Variants in TGFBR1 observed in about 807,000 individuals in gnomAD.
The protein encoded by TGFBR1 is transforming growth factor beta receptor 1.
TGFBR1 carries 20 observed loss-of-function variants against 55.1 expected under a neutral mutation model. The observed-to-expected ratio is 0.36, with a 90% CI of 0.26 to 0.53. TGFBR1 has a LOEUF of 0.53. Among genes scored for constraint, TGFBR1 ranks in the 20% least tolerant of loss-of-function variants. The probability of loss-of-function intolerance (pLI) is 0.91; values close to 1 mark genes in which losing one functional copy is unlikely to be tolerated. For missense variants in TGFBR1, 385 were observed against 617.6 expected (o/e 0.62, Z 3.99); for synonymous variants, 220 against 214.8 (o/e 1.02, Z -0.21).
intron 1 of TGFBR1, among the ~76,000 whole-genome samples, chr9:99,116,916 T>C (rs577258987): frequency 6.6e-6 from 1 of 152,166 alleles, no homozygotes; most frequent in African/African-American, 2.4e-5. Context: ...TCCAAGGGAG[T>C]CCAAAATTTA....
intron 3 of TGFBR1, among the ~76,000 whole-genome samples, chr9:99,133,245 T>A (rs1827303722): frequency 6.6e-6 from 1 of 152,216 alleles, no homozygotes; most frequent in Admixed American, 6.5e-5. Context: ...CCTGGTTTTT[T>A]AAAATTAAAC....
rs1324625673 is a variant in TGFBR1 at position 99,152,800 on chromosome 9, T to C, written c.*3495T>C. On this transcript the variant is annotated 3_prime_UTR_variant, in exon 9 of 9. Coordinates refer to ENST00000374994, the MANE Select transcript of TGFBR1 (RefSeq NM_004612.4). ...TATTTTGAGATACTAAGGATTATCT[T>C]TGGACATGTACTGCAGCTTCTTGTC... is the stretch of plus-strand genomic sequence containing the variant. 4.3e-6 allele frequency: 1 copy of C among 231,044 alleles called. No homozygotes were observed. Among genetic ancestry groups the C allele is most frequent in the African/African-American group, 2.2e-5 (1 of 45,228 alleles). 14.3% of individuals were successfully genotyped at this position (231,044 alleles called of 1,614,324 possible).
Position 99,111,295 on chromosome 9 carries a change from C to CTTTTTTTTT in TGFBR1, c.97+6015_97+6023dup, listed in dbSNP as rs3034196. On this transcript the variant is annotated intron_variant, in intron 1 of 8. Coordinates refer to ENST00000374994, the MANE Select transcript of TGFBR1 (RefSeq NM_004612.4). ...ACATTTGGCATATCCTGCACCCATG[C>CTTTTTTTTT]TTTTTTTTTTTTTTTTTTTTTTTTT... Among the ~76,000 whole-genome samples, 18 of 55,152 alleles carry CTTTTTTTTT rather than the reference C, an allele frequency of 3.3e-4. 3 individuals carry two copies. The highest frequency in any genetic ancestry group is 1.2e-3 in the African/African-American group (15 of 13,042). The allele number at this position is 55,152 out of a possible 152,430, so 36.2% of individuals were successfully genotyped here. A position where few individuals can be genotyped will look rare whatever the true frequency, so the allele number is the denominator to read the frequency against.
chr9:99,120,277 C>T (rs1407756438), intron 1 of TGFBR1, among the ~76,000 whole-genome samples: 1 of 152,064 alleles, frequency 6.6e-6, no homozygotes, highest in Non-Finnish European at 1.5e-5. Flanking sequence ...TAATACCTAC[C>T]CACTAGTCAA....
intron 6 of TGFBR1, among the ~76,000 whole-genome samples, chr9:99,146,246 T>G (rs1021475809): frequency 3.3e-5 from 5 of 152,194 alleles, no homozygotes; most frequent in African/African-American, 1.2e-4. Flanking sequence ...TGTCTTTCAT[T>G]GGAAACCAAG....
chr9:99,124,190 C>T (rs892599913), intron 1 of TGFBR1, among the ~76,000 whole-genome samples: 1 of 152,066 alleles, frequency 6.6e-6, no homozygotes, highest in African/African-American at 2.4e-5. Flanking sequence ...TCTCTTCTAC[C>T]GCAGCAGAGT....
At chr9:99,144,665 A>C in intron 5 of TGFBR1, 67 bp from the exon 6 acceptor site, 1 of 1,595,376 alleles carries the variant, frequency 6.3e-7, no homozygotes, top group Non-Finnish European at 8.6e-7. Flanking sequence ...AGACTTTTGA[A>C]CCTAAAGATG....
chr9:99,106,732 A>C (rs917456932), intron 1 of TGFBR1, among the ~76,000 whole-genome samples: 29 of 152,174 alleles, frequency 1.9e-4, no homozygotes, highest in African/African-American at 6.8e-4. Context: ...ACATCATACT[A>C]TCTGGCGTAG....
intron 1 of TGFBR1, among the ~76,000 whole-genome samples, chr9:99,105,756 G>T (rs1423958451): frequency 2.0e-5 from 3 of 152,188 alleles, no homozygotes; most frequent in Non-Finnish European, 4.4e-5. Flanking sequence ...CGTGCCAGAG[G>T]CTGCCGAACC....
intron 2 of TGFBR1, 68 bp downstream of exon 2, chr9:99,129,168 C>G (rs747871909): frequency 7.4e-5 from 114 of 1,547,864 alleles, no homozygotes; most frequent in Admixed American, 2.9e-4. Flanking sequence ...GATTTTAGAA[C>G]TGGAAGGGAT....
intron 1 of TGFBR1, among the ~76,000 whole-genome samples, chr9:99,116,463 GA>G (rs1214064545): frequency 2.6e-5 from 4 of 152,146 alleles, no homozygotes; most frequent in African/African-American, 9.7e-5. Flanking sequence ...CTGTAACTGG[GA>G]AAAAGGAAAA....
At chr9:99,115,494 T>A (rs1564132365) in intron 1 of TGFBR1, among the ~76,000 whole-genome samples, 1 of 152,198 alleles carries the variant, frequency 6.6e-6, no homozygotes, top group Non-Finnish European at 1.5e-5. Context: ...AGGACTAATA[T>A]AGATATTTGG....
chr9:99,132,154 T>C (rs573493378), intron 2 of TGFBR1, among the ~76,000 whole-genome samples: 6 of 152,158 alleles, frequency 3.9e-5, no homozygotes, highest in Non-Finnish European at 7.4e-5. Flanking sequence ...AAAAAAAATA[T>C]GATTTTTAAG....
chr9:99,146,681 AT>A (rs1407873172), intron 7 of TGFBR1, 72 bp downstream of exon 7: 24 of 1,601,024 alleles, frequency 1.5e-5, no homozygotes, highest in Non-Finnish European at 2.1e-5. Context: ...TCTTTTTTTA[AT>A]TGAATGAAAT....
chr9:99,110,178 A>G (rs1163163486), intron 1 of TGFBR1, among the ~76,000 whole-genome samples: 1 of 152,190 alleles, frequency 6.6e-6, no homozygotes, highest in East Asian at 1.9e-4. Flanking sequence ...GTCCAATTTT[A>G]TAGATCAGAT....
At chr9:99,118,070 C>G (rs1051836344) in intron 1 of TGFBR1, among the ~76,000 whole-genome samples, 4 of 152,170 alleles carry the variant, frequency 2.6e-5, no homozygotes, top group Non-Finnish European at 4.4e-5. Context: ...CTTTACCTGT[C>G]TTTTGTTAGG....
intron 1 of TGFBR1, among the ~76,000 whole-genome samples, chr9:99,124,434 C>T (rs918204109): frequency 4.6e-5 from 7 of 151,832 alleles, no homozygotes; most frequent in African/African-American, 1.7e-4. Context: ...TTTGGGCTGG[C>T]GGAAGGAGGT....
chr9:99,126,055 G>A (rs1291931016), intron 1 of TGFBR1, among the ~76,000 whole-genome samples: 1 of 152,188 alleles, frequency 6.6e-6, no homozygotes, highest in African/African-American at 2.4e-5. Flanking sequence ...GTGAAGGTAA[G>A]GGCGAGGTTT....
At chr9:99,126,234 G>A (rs1827038006) in intron 1 of TGFBR1, among the ~76,000 whole-genome samples, 1 of 152,180 alleles carries the variant, frequency 6.6e-6, no homozygotes, top group Admixed American at 6.5e-5. Context: ...CATTTGCCAT[G>A]TGAGAAGTAA....
Sources: gnomAD v4.1 joint callset for allele counts (sites outside exome capture counted in the v4.1 genomes callset) on GRCh38, gnomAD v4.1.1 for gene constraint, MANE v1.5 for transcripts, NCBI Gene and HGNC (gene_info 2026-07-23, HGNC 2026-07-21) for gene names.